Variants in FIGN observed in about 807,000 individuals in gnomAD.
FIGN encodes the protein fidgetin.
In FIGN, 11 loss-of-function variants were observed where a neutral mutation model predicts 51.3. The observed-to-expected ratio is 0.21, with a 90% confidence interval of 0.13 to 0.35. The LOEUF is 0.35. Among genes scored for constraint, FIGN ranks in the 10% least tolerant of loss-of-function variants. The pLI is 1.00. For synonymous variants in FIGN, 407 were observed against 363.2 expected, an observed-to-expected ratio of 1.12 and a Z score of -1.37; for missense variants, 857 against 943.6, an observed-to-expected ratio of 0.91 and a Z score of 1.20.
chr2:163,647,551 G>A (rs968185610), intron 2 of FIGN, among the ~76,000 whole-genome samples: 1 of 152,082 alleles, frequency 6.6e-6, no homozygotes, highest in East Asian at 1.9e-4. Context: ...GACTCCAGCA[G>A]GTCTACCACC....
At chr2:163,729,374 GA>G (rs1684890784) in intron 2 of FIGN, among the ~76,000 whole-genome samples, 1 of 151,994 alleles carries the variant, frequency 6.6e-6, no homozygotes, top group South Asian at 2.1e-4. Flanking sequence ...AGCAAAGAAA[GA>G]GAGTAAAGGT....
chr2:163,616,616 C>T (rs528806999), intron 2 of FIGN, among the ~76,000 whole-genome samples: 1 of 152,240 alleles, frequency 6.6e-6, no homozygotes, highest in South Asian at 2.1e-4. Flanking sequence ...ATGCATAGCA[C>T]TCACACAGGC....
chr2:163,654,669 G>A (rs1370670310), intron 2 of FIGN, among the ~76,000 whole-genome samples: 2 of 152,092 alleles, frequency 1.3e-5, no homozygotes, highest in Non-Finnish European at 2.9e-5. Context: ...ACTCTAGGCC[G>A]AGTTATTTTT....
chr2:163,734,389 A>G (rs1684981263), intron 2 of FIGN, among the ~76,000 whole-genome samples: 1 of 151,902 alleles, frequency 6.6e-6, no homozygotes, highest in Admixed American at 6.6e-5. Context: ...TACTCCACAA[A>G]GTGCAAACAT....
rs767053167 is a variant in FIGN, at chr2:163,609,840, T to C, written c.1992A>G (p.Gln664=). 3 of 1,614,030 alleles carry C rather than the reference T, an allele frequency of 1.9e-6. No individual in the cohort carries two copies. The Admixed American group carries it at 5.0e-5, about 27-fold the overall frequency. ...GACAGTAATTGTGCTGTGAGAGCAG[T>C]TGTACTATTATCTGGTGCCTCGCTG... is the stretch of plus-strand genomic sequence containing the variant. The part of the protein sequence containing the change: ...DSTARHQIIV[Q]LLSQHNYCLN... The change falls in exon 3 of 3, where the codon CAA becomes CAG. Residue 664 remains glutamine (Q), a synonymous_variant. Coordinates refer to ENST00000333129, the MANE Select transcript of FIGN (RefSeq NM_018086.4).
At chr2:163,681,770 C>T (rs1352857006) in intron 2 of FIGN, among the ~76,000 whole-genome samples, 2 of 152,158 alleles carry the variant, frequency 1.3e-5, no homozygotes, top group Admixed American at 1.3e-4. Flanking sequence ...GAATACTTTT[C>T]CAGGGAAAAC....
Position 163,610,044 on chromosome 2 carries a change from A to G in FIGN, c.1788T>C (p.Asn596=). Residue 596 remains asparagine (N), a synonymous_variant, in exon 3 of 3, where the codon AAT becomes AAC. Coordinates refer to ENST00000333129, the MANE Select transcript of FIGN (RefSeq NM_018086.4). ...TCCGACTGACTGGACTATGTTCCTC[A>G]TTCACTTGAGAGGAGAGAAGCATGT... ...DIDMLLSSQV[N]EEHSPVSRMR... The G allele has an allele frequency of 6.2e-7, 1 of 1,614,070 alleles. No individual in the cohort carries two copies. The highest frequency in any genetic ancestry group is 8.5e-7 in the Non-Finnish European group (1 of 1,179,978).
At chr2:163,648,240 T>G (rs1403389425) in intron 2 of FIGN, among the ~76,000 whole-genome samples, 3 of 152,050 alleles carry the variant, frequency 2.0e-5, no homozygotes, top group African/African-American at 7.2e-5. Context: ...ACAGTACAAT[T>G]CTTTAATTTT....
chr2:163,729,391 C>T (rs1027122610), intron 2 of FIGN, among the ~76,000 whole-genome samples: 12 of 151,918 alleles, frequency 7.9e-5, no homozygotes, highest in Non-Finnish European at 1.5e-4. Flanking sequence ...AAGGTATTTT[C>T]AACATAATGA....
intron 2 of FIGN, among the ~76,000 whole-genome samples, chr2:163,730,903 T>A (rs1684917753): frequency 6.6e-6 from 1 of 152,194 alleles, no homozygotes; most frequent in African/African-American, 2.4e-5. Flanking sequence ...CAGTACTTTA[T>A]AAAGAGTAGT....
chr2:163,624,708 A>ATTT lies in FIGN; in HGVS notation c.26-12905_26-12903dup, dbSNP rs34598500. On this transcript the variant is annotated intron_variant, in intron 2 of 2. Transcript: ENST00000333129. Reference sequence around the variant, plus strand: ...TATACATACATATATATATATATATATTTTTTTTTTTCCTAGACAAGCTGT... The same window carrying ATTT: ...TATACATACATATATATATATATATATTTTTTTTTTTTTTCCTAGACAAGCTGT... Among the ~76,000 whole-genome samples, 630 of 145,476 alleles carry ATTT rather than the reference A, an allele frequency of 4.3e-3. 5 individuals carry two copies. The highest frequency in any genetic ancestry group is 0.015 in the African/African-American group (588 of 39,398).
rs549209232 is a variant in FIGN at position 163,653,753 on chromosome 2, G to A, written c.26-41947C>T. ...CCAATGAATCTCTATCTATACGATG[G>A]AAGTCAGTGCAAACAACAACAACAA... On this transcript the variant is annotated intron_variant, in intron 2 of 2. Transcript: ENST00000333129. 7.9e-5 allele frequency among the ~76,000 whole-genome samples: 12 copies of A among 152,170 alleles called. No homozygotes were observed. The South Asian group carries it at 2.5e-3, about 32-fold the overall frequency.
At chr2:163,701,495 G>A (rs913658486) in intron 2 of FIGN, among the ~76,000 whole-genome samples, 1 of 152,176 alleles carries the variant, frequency 6.6e-6, no homozygotes, top group Non-Finnish European at 1.5e-5. Flanking sequence ...TAAAGATACT[G>A]ACAAATCAGT....
intron 2 of FIGN, among the ~76,000 whole-genome samples, chr2:163,643,534 C>G (rs754761833): frequency 2.6e-5 from 4 of 151,194 alleles, no homozygotes; most frequent in Non-Finnish European, 5.9e-5. Flanking sequence ...ACTTGTAGTT[C>G]TAGCTACTCA....
At chr2:163,676,446 T>G (rs1264637698) in intron 2 of FIGN, among the ~76,000 whole-genome samples, 5 of 53,874 alleles carry the variant, frequency 9.3e-5, no homozygotes, top group African/African-American at 3.8e-4. Context: ...TATATATATA[T>G]ATATATATAT....
Position 163,605,746 on chromosome 2 carries a change from A to C in FIGN, c.*3806T>G, listed in dbSNP as rs546386080. 5.9e-5 allele frequency: 9 copies of C among 152,168 alleles called. No individual in the cohort carries two copies. The highest frequency in any genetic ancestry group is 2.2e-4 in the African/African-American group (9 of 41,526). The allele number at this position is 152,168 out of a possible 1,614,324, so 9.4% of individuals were successfully genotyped here. A position where few individuals can be genotyped will look rare whatever the true frequency, so the allele number is the denominator to read the frequency against. ...TTCAATGATCATGCTACCCAATTCT[A>C]AGAAACATGAGAATGTGAGTACAGA... On this transcript the variant is annotated 3_prime_UTR_variant, in exon 3 of 3. Coordinates refer to ENST00000333129, the MANE Select transcript of FIGN (RefSeq NM_018086.4).
At chr2:163,651,304 T>G (rs2105321751) in intron 2 of FIGN, among the ~76,000 whole-genome samples, 1 of 152,048 alleles carries the variant, frequency 6.6e-6, no homozygotes, top group African/African-American at 2.4e-5. Context: ...CTACTAAAAA[T>G]ACACAAAATT....
intron 2 of FIGN, among the ~76,000 whole-genome samples, chr2:163,647,627 G>A (rs12477400): frequency 0.25 from 37,371 of 151,986 alleles, 4,962 homozygotes; most frequent in Admixed American, 0.28. Context: ...CTGACTCCCA[G>A]TTCTGTGTTT....
intron 2 of FIGN, among the ~76,000 whole-genome samples, chr2:163,727,695 A>G (rs1684858916): frequency 6.6e-6 from 1 of 152,122 alleles, no homozygotes; most frequent in Admixed American, 6.6e-5. Flanking sequence ...GCTCTTTGAT[A>G]TTTCCCTTCC....
Sources: allele counts gnomAD v4.1 joint callset (sites outside exome capture counted in the v4.1 genomes callset), GRCh38; gene constraint gnomAD v4.1.1; transcripts MANE v1.5; gene names NCBI Gene and HGNC (gene_info 2026-07-23, HGNC 2026-07-21).